PARP16: variants seen among roughly 807,000 people sequenced by gnomAD.
The protein encoded by PARP16 is protein mono-ADP-ribosyltransferase PARP16.
A neutral mutation model predicts 35.0 loss-of-function variants in PARP16; 31 were observed. The ratio of observed to expected loss-of-function variants is 0.88; its 90% CI spans 0.66 to 1.19. PARP16 has a LOEUF of 1.19. PARP16 is among the 50% of genes most tolerant of loss of function. The pLI is 0.00. For synonymous variants in PARP16, 162 were observed against 169.5 expected (o/e 0.96, Z 0.34); for missense variants, 424 against 411.2 (o/e 1.03, Z -0.27).
intron 1 of PARP16, among the ~76,000 whole-genome samples, chr15:65,276,400 G>A (rs758524753): frequency 3.3e-5 from 5 of 152,066 alleles, no homozygotes; most frequent in Admixed American, 1.3e-4. Flanking sequence ...ACGGGATGGG[G>A]TCTCACTCTG....
At chr15:65,253,456 A>G (rs1000328491), downstream of PARP16, among the ~76,000 whole-genome samples, 3 of 149,342 alleles carry the variant, frequency 2.0e-5, no homozygotes, top group African/African-American at 7.4e-5. Flanking sequence ...TCAGCCTCCC[A>G]AGTAGCTGGG....
downstream of PARP16, among the ~76,000 whole-genome samples, chr15:65,233,431 A>C (rs1357466877): frequency 6.6e-6 from 1 of 151,164 alleles, no homozygotes; most frequent in Non-Finnish European, 1.5e-5. Flanking sequence ...CAAACAAACA[A>C]AAACAAAAAA....
At chr15:65,240,312 T>TGGGGG (rs1183574054) in intron 3 of PARP16, among the ~76,000 whole-genome samples, 43 of 102,240 alleles carry the variant, frequency 4.2e-4, no homozygotes, top group Non-Finnish European at 5.1e-4. Flanking sequence ...GTGTGTGTGG[T>TGGGGG]GGGGGGGGCT....
chr15:65,286,482 G>T lies in PARP16; in HGVS notation c.-56C>A. ...GCGCTGGTTAGGGGCAAGGGCGAGC[G>T]TGCGTTCAGCGCGGGGGCTGGGCCC... On this transcript the variant is annotated 5_prime_UTR_variant, in exon 1 of 6. Coordinates refer to ENST00000649807, the MANE Select transcript of PARP16 (RefSeq NM_001316943.2). 1.5e-6 allele frequency: 2 copies of T among 1,320,020 alleles called. No individual in the cohort carries two copies. Among genetic ancestry groups the T allele is most frequent in the Non-Finnish European group, 9.9e-7 (1 of 1,014,020 alleles). The allele number at this position is 1,320,020 out of a possible 1,614,324, so 81.8% of individuals were successfully genotyped here.
At chr15:65,278,670 T>C (rs1337998045) in intron 1 of PARP16, among the ~76,000 whole-genome samples, 1 of 152,156 alleles carries the variant, frequency 6.6e-6, no homozygotes, top group Non-Finnish European at 1.5e-5. Flanking sequence ...TGATTACAGA[T>C]GTGGGTACAA....
chr15:65,266,708 G>T lies in PARP16; in HGVS notation c.373C>A (p.Leu125Met). ...PHTPVPAPDF[L>M]FEIEYFDPAN... ...GGGTCAAAGTACTCAATTTCAAACA[G>T]GAAGTCCGGTGCAGGAACAGGCGTG... is the stretch of plus-strand genomic sequence containing the variant. Residue 125 changes from leucine (L) to methionine (M), a missense_variant, in exon 3 of 6, where the codon CTG becomes ATG. Leu to Met is a conservative substitution (Grantham distance 15). Transcript: ENST00000649807. 1.2e-6 allele frequency: 2 copies of T among 1,614,172 alleles called. No individual in the cohort carries two copies. Among genetic ancestry groups the T allele is most frequent in the Non-Finnish European group, 1.7e-6 (2 of 1,180,022 alleles).
chr15:65,286,201 A>T, intron 1 of PARP16, 52 bp downstream of exon 1: 1 of 1,414,650 alleles, frequency 7.1e-7, no homozygotes. Flanking sequence ...GTGGTTCCAC[A>T]GGGCACTTGG....
chr15:65,235,745 G>T (rs928878183), intron 3 of PARP16, among the ~76,000 whole-genome samples: 8 of 151,620 alleles, frequency 5.3e-5, no homozygotes, highest in Non-Finnish European at 8.8e-5. Flanking sequence ...GAGTCGAGGG[G>T]GCAGTGAGCT....
intron 2 of PARP16, among the ~76,000 whole-genome samples, chr15:65,268,084 C>T (rs1274133966): frequency 1.3e-5 from 2 of 152,272 alleles, no homozygotes; most frequent in East Asian, 3.9e-4. Context: ...TGTCCATGCA[C>T]CCCTCTGCAA....
chr15:65,278,541 G>C (rs2090325148), intron 1 of PARP16, among the ~76,000 whole-genome samples: 2 of 152,142 alleles, frequency 1.3e-5, no homozygotes, highest in Admixed American at 1.3e-4. Context: ...GGGTGAATAG[G>C]CCTCACAGAG....
chr15:65,231,868 AGG>A (rs1395159251), downstream of PARP16, among the ~76,000 whole-genome samples: 3 of 151,846 alleles, frequency 2.0e-5, no homozygotes, highest in Non-Finnish European at 4.4e-5. Flanking sequence ...TTTTCCATCT[AGG>A]ATCACTTTTT....
At chr15:65,284,212 G>T (rs774944722) in intron 1 of PARP16, among the ~76,000 whole-genome samples, 1 of 151,974 alleles carries the variant, frequency 6.6e-6, no homozygotes, top group Non-Finnish European at 1.5e-5. Context: ...TTGCATTCCT[G>T]GGATGAACCC....
At chr15:65,233,895 C>T (rs1012966643), downstream of PARP16, among the ~76,000 whole-genome samples, 1 of 152,080 alleles carries the variant, frequency 6.6e-6, no homozygotes, top group Non-Finnish European at 1.5e-5. Context: ...ACTTTCTTGC[C>T]AACTCATCAG....
intron 1 of PARP16, 56 bp from the exon 2 acceptor site, chr15:65,271,128 G>C: frequency 1.3e-6 from 2 of 1,590,516 alleles, no homozygotes; most frequent in Non-Finnish European, 1.7e-6. Flanking sequence ...TGATAATCAG[G>C]GGCCCTCTAG....
downstream of PARP16, among the ~76,000 whole-genome samples, chr15:65,232,563 C>T (rs183712791): frequency 6.6e-6 from 1 of 152,250 alleles, no homozygotes; most frequent in Non-Finnish European, 1.5e-5. Context: ...TAATCACTCA[C>T]TCCCATGAGA....
chr15:65,284,736 G>C (rs2090529314), intron 1 of PARP16, among the ~76,000 whole-genome samples: 2 of 150,674 alleles, frequency 1.3e-5, no homozygotes, highest in African/African-American at 4.9e-5. Flanking sequence ...CTCAGTGATT[G>C]CTACAACTCA....
intron 3 of PARP16, 50 bp from the exon 4 acceptor site, chr15:65,263,370 G>A (rs1277405990): frequency 6.1e-6 from 9 of 1,471,376 alleles, no homozygotes; most frequent in Non-Finnish European, 6.4e-6. Context: ...TGAATGTACA[G>A]TTGGCACGGC....
downstream of PARP16, among the ~76,000 whole-genome samples, chr15:65,257,410 G>A (rs1162046672): frequency 1.3e-5 from 2 of 151,262 alleles, no homozygotes; most frequent in Non-Finnish European, 2.9e-5. Flanking sequence ...CTCTAGCCTA[G>A]GTGACAGAGC....
chr15:65,272,419 C>T (rs547712931), intron 1 of PARP16, among the ~76,000 whole-genome samples: 29 of 152,322 alleles, frequency 1.9e-4, no homozygotes, highest in African/African-American at 6.5e-4. Context: ...GTATCTGTAG[C>T]TTTTGCTCAG....
Sources: allele counts gnomAD v4.1 joint callset (sites outside exome capture counted in the v4.1 genomes callset), GRCh38; gene constraint gnomAD v4.1.1; transcripts MANE v1.5; gene names NCBI Gene and HGNC (gene_info 2026-07-23, HGNC 2026-07-21).